The following WDR59 variants were observed in gnomAD, a reference collection of about 807,000 sequenced individuals.
WDR59 encodes WD repeat domain 59, also known as GATOR2 complex protein WDR59.
A neutral mutation model predicts 131.2 loss-of-function variants in WDR59; 100 were observed. That is an observed-to-expected ratio of 0.76 (90% CI 0.65 to 0.90). The LOEUF is 0.90. Ranked by LOEUF, WDR59 falls within the 40% of genes least tolerant of loss-of-function variation. The pLI, the probability that WDR59 is intolerant of heterozygous loss-of-function variation, is 0.00. For synonymous variants in WDR59, 601 were observed against 466.2 expected (o/e 1.29, Z -3.72); for missense variants, 1,203 against 1,262.2 (o/e 0.95, Z 0.71).
At chr16:74,888,421 G>A (rs757037152) in intron 21 of WDR59, 102 bp from the exon 22 acceptor site, 30 of 1,266,990 alleles carry the variant, frequency 2.4e-5, no homozygotes, top group Non-Finnish European at 2.8e-5. Flanking sequence ...TGGGAAGGGA[G>A]GAGTCTTGAT....
In WDR59 at chr16:74,922,004, T is replaced by C; in HGVS notation, c.829A>G (p.Thr277Ala). 1 of 1,614,136 alleles carries C rather than the reference T, an allele frequency of 6.2e-7. No homozygotes were observed. Among genetic ancestry groups the C allele is most frequent in the Non-Finnish European group, 8.5e-7 (1 of 1,180,020 alleles). The change falls in exon 10 of 26, where the codon ACC becomes GCC. Residue 277 changes from threonine to alanine, a missense_variant. Coordinates refer to ENST00000262144, the MANE Select transcript of WDR59 (RefSeq NM_030581.4). ...ACCACATCATCATGCCCCACGAAGG[T>C]GTGGACTGGGGTGTTCAAGTCAAAG... ...NVFDLNTPVH[T>A]FVGHDDVVLE...
At chr16:74,953,925 C>T (rs1042530547) in intron 3 of WDR59, among the ~76,000 whole-genome samples, 3 of 151,300 alleles carry the variant, frequency 2.0e-5, no homozygotes, top group Non-Finnish European at 1.5e-5. Flanking sequence ...TGGCGTGAAC[C>T]CGGGAGGTGG....
chr16:74,892,438 C>A (rs1323004327), intron 20 of WDR59, 46 bp downstream of exon 20: 1 of 1,485,008 alleles, frequency 6.7e-7, no homozygotes, highest in Non-Finnish European at 9.3e-7. Flanking sequence ...AAACAATTTG[C>A]TCCTGAAGAA....
At chr16:74,961,352 G>A (rs1446103488) in intron 2 of WDR59, among the ~76,000 whole-genome samples, 1 of 152,080 alleles carries the variant, frequency 6.6e-6, no homozygotes, top group Non-Finnish European at 1.5e-5. Flanking sequence ...GAAAGTTCTA[G>A]GTCTTTCAAG....
At chr16:74,932,430 TAC>T (rs34468583) in intron 8 of WDR59, among the ~76,000 whole-genome samples, 80,296 of 143,842 alleles carry the variant, frequency 0.56, 23,327 homozygotes, top group East Asian at 0.72. Flanking sequence ...ACATAATTTT[TAC>T]ACACACACAC....
intron 23 of WDR59, among the ~76,000 whole-genome samples, chr16:74,887,267 C>A (rs1964813252): frequency 6.6e-6 from 1 of 150,612 alleles, no homozygotes; most frequent in Admixed American, 6.6e-5. Context: ...ATCCAGGAAA[C>A]ACAAATACAC....
At chr16:74,932,711 C>A (rs9936976) in intron 8 of WDR59, among the ~76,000 whole-genome samples, 50,104 of 151,620 alleles carry the variant, frequency 0.33, 9,493 homozygotes, top group African/African-American at 0.53. Context: ...CTGGTCTCCA[C>A]CTCCTGGGCT....
At chr16:74,900,206 G>A (rs976144104) in intron 18 of WDR59, among the ~76,000 whole-genome samples, 1 of 152,146 alleles carries the variant, frequency 6.6e-6, no homozygotes, top group Non-Finnish European at 1.5e-5. Context: ...TCTTGAATAG[G>A]CTCAATACCA....
At chr16:74,915,820 C>A in intron 13 of WDR59, 50 bp downstream of exon 13, 1 of 1,611,470 alleles carries the variant, frequency 6.2e-7, no homozygotes, top group African/African-American at 1.3e-5. Flanking sequence ...GTTCCCTCTC[C>A]CACAAACTGC....
chr16:74,975,821 C>T (rs145127154), intron 1 of WDR59, among the ~76,000 whole-genome samples: 1 of 151,912 alleles, frequency 6.6e-6, no homozygotes, highest in East Asian at 1.9e-4. Flanking sequence ...TGTTCTTCTC[C>T]CATTCATCAC....
chr16:74,963,481 A>G (rs1252946079), intron 2 of WDR59, among the ~76,000 whole-genome samples: 1 of 152,148 alleles, frequency 6.6e-6, no homozygotes, highest in Non-Finnish European at 1.5e-5. Flanking sequence ...CAGCAAACTA[A>G]CACAAGAACA....
chr16:74,941,580 G>A (rs573464484), intron 7 of WDR59, among the ~76,000 whole-genome samples: 1 of 152,024 alleles, frequency 6.6e-6, no homozygotes, highest in South Asian at 2.1e-4. Context: ...TATAGTCCCA[G>A]CTACTGGGGA....
chr16:74,945,721 T>G (rs922762153), intron 6 of WDR59, among the ~76,000 whole-genome samples: 6 of 152,014 alleles, frequency 3.9e-5, no homozygotes, highest in Non-Finnish European at 8.8e-5. Context: ...TCAGTCCCCC[T>G]TATCCGCGGG....
chr16:74,877,868 T>C (rs1041466374), intron 25 of WDR59, among the ~76,000 whole-genome samples: 1 of 152,178 alleles, frequency 6.6e-6, no homozygotes, highest in African/African-American at 2.4e-5. Context: ...TTAAATAACA[T>C]CATTCTGAAC....
intron 10 of WDR59, among the ~76,000 whole-genome samples, chr16:74,919,377 C>T (rs2029940332): frequency 6.6e-6 from 1 of 151,796 alleles, no homozygotes; most frequent in African/African-American, 2.4e-5. Flanking sequence ...GTCACTCAAG[C>T]TGGAGTGCAG....
intron 19 of WDR59, 97 bp from the exon 20 acceptor site, chr16:74,892,662 G>A: frequency 9.9e-7 from 1 of 1,005,296 alleles, no homozygotes; most frequent in Non-Finnish European, 1.5e-6. Flanking sequence ...CTGACTCTTT[G>A]GTTATCACTC....
At chr16:74,887,994 T>C (rs542552761) in intron 22 of WDR59, among the ~76,000 whole-genome samples, 175 bp downstream of exon 22, 1 of 152,028 alleles carries the variant, frequency 6.6e-6, no homozygotes, top group Admixed American at 6.6e-5. Context: ...GGTGCATGCC[T>C]GTAATCCCAG....
In WDR59 at chr16:74,876,771, G is replaced by C. The variant is rs371529831; in HGVS notation, c.2690-2327C>G. ...TATATACACAATGGAATGGCTCAGC[G>C]TATGAACCGATTGAGAAGGATAGGC... is the stretch of plus-strand genomic sequence containing the variant. On this transcript the variant is annotated intron_variant, in intron 25 of 25. Coordinates refer to ENST00000262144, the MANE Select transcript of WDR59 (RefSeq NM_030581.4). 7.2e-5 allele frequency among the ~76,000 whole-genome samples: 11 copies of C among 152,236 alleles called. 1 individual carries two copies. Among genetic ancestry groups the C allele is most frequent in the East Asian group, 1.9e-4 (1 of 5,182 alleles).
At chr16:74,955,201 T>C (rs1413446857) in intron 3 of WDR59, among the ~76,000 whole-genome samples, 1 of 152,220 alleles carries the variant, frequency 6.6e-6, no homozygotes, top group Non-Finnish European at 1.5e-5. Flanking sequence ...GGCGTCAGCC[T>C]AAACCCAATC....
Sources: allele counts gnomAD v4.1 joint callset (sites outside exome capture counted in the v4.1 genomes callset), GRCh38; gene constraint gnomAD v4.1.1; transcripts MANE v1.5; gene names NCBI Gene and HGNC (gene_info 2026-07-23, HGNC 2026-07-21).